ACACB: variants seen among roughly 807,000 people sequenced by gnomAD.
ACACB encodes acetyl-CoA carboxylase 2.
Under a neutral mutation model 278.8 loss-of-function variants are expected in ACACB, and 209 were observed. The observed-to-expected ratio is 0.75, with a 90% CI of 0.67 to 0.84. The LOEUF (loss-of-function observed/expected upper bound fraction) is 0.84. ACACB is among the 40% of genes least tolerant of loss of function. The probability of loss-of-function intolerance (pLI) is 0.00; values close to 1 mark genes in which losing one functional copy is unlikely to be tolerated. For missense variants in ACACB, 2,850 were observed against 3,269.0 expected (o/e 0.87, Z 3.13); for synonymous variants, 1,174 against 1,285.6 (o/e 0.91, Z 1.86).
chr12:109,219,081 TG>T (rs1244705170), intron 24 of ACACB, among the ~76,000 whole-genome samples: 1 of 152,106 alleles, frequency 6.6e-6, no homozygotes. Flanking sequence ...AACTTTTTTT[TG>T]TAAAGGGCTC....
intron 11 of ACACB, among the ~76,000 whole-genome samples, chr12:109,181,755 T>C (rs2044479115): frequency 6.6e-6 from 1 of 152,102 alleles, no homozygotes; most frequent in African/African-American, 2.4e-5. Flanking sequence ...GTTGTACTAA[T>C]TTTCAGTCCT....
At chr12:109,147,937 T>G (rs1461190662) in intron 2 of ACACB, among the ~76,000 whole-genome samples, 1 of 152,238 alleles carries the variant, frequency 6.6e-6, no homozygotes, top group Admixed American at 6.5e-5. Context: ...TCTTTCTCCT[T>G]GTATCTTGTG....
At chr12:109,264,706 G>A (rs930725009) in intron 50 of ACACB, among the ~76,000 whole-genome samples, 4 of 152,086 alleles carry the variant, frequency 2.6e-5, no homozygotes, top group Non-Finnish European at 4.4e-5. Flanking sequence ...GGTAGAAACC[G>A]TTGTTCCTGT....
Position 109,247,664 on chromosome 12 carries a change from C to T in ACACB, c.5630C>T (p.Ser1877Phe). The T allele has an allele frequency of 3.7e-6, 6 of 1,613,970 alleles. No homozygotes were observed. The highest frequency in any genetic ancestry group is 5.1e-6 in the Non-Finnish European group (6 of 1,179,978). ...QDYTRISSLN[S>F]VHCKHIEEGG... ...TACACCAGAATCAGCTCCCTGAACT[C>T]CGTCCACTGTAAACACATCGAGGAA... Residue 1877 changes from serine to phenylalanine, a missense_variant, in exon 40 of 53, where the codon TCC (serine) becomes TTC (phenylalanine). By Grantham distance (155) the Ser-to-Phe change is radical (BLOSUM62 -2). Around this residue, in one of 3 missense-constraint regions of ACACB, gnomAD observed 2,265 missense variants for 2,561.3 expected, o/e 0.88. Coordinates refer to ENST00000338432, the MANE Select transcript of ACACB (RefSeq NM_001093.4).
At chr12:109,210,449 ATATATGTATATATACGCACATACATGTG>A (rs1483471798) in intron 21 of ACACB, among the ~76,000 whole-genome samples, 12 of 100,868 alleles carry the variant, frequency 1.2e-4, no homozygotes, top group African/African-American at 3.4e-4. Flanking sequence ...ATACATGTGT[ATATATGTATATATACGCACATACATGTG>A]TATATGTGTA....
intron 27 of ACACB, among the ~76,000 whole-genome samples, chr12:109,225,126 G>A (rs751436228): frequency 6.6e-6 from 1 of 152,188 alleles, no homozygotes; most frequent in Non-Finnish European, 1.5e-5. Context: ...CTAACAGGGA[G>A]ACCTAATACA....
chr12:109,166,875 G>A lies in ACACB; in HGVS notation c.668G>A (p.Gly223Glu), dbSNP rs373292549. The stretch of plus-strand genomic sequence containing the variant: ...TTATTCTGCAGGCCGAGCATGTCGG[G>A]ACTCCACCTGGTGAAGAGGGGACGG... ...RVPTMRPSMS[G>E]LHLVKRGREH... The change falls in exon 3 of 53, where the codon GGA becomes GAA. Residue 223 changes from glycine to glutamate, a missense_variant. Physicochemically the swap from Gly to Glu is moderately conservative, Grantham distance 98. Transcript: ENST00000338432. The A allele has an allele frequency of 2.5e-6, 4 of 1,613,874 alleles. No homozygotes were observed. Among genetic ancestry groups the A allele is most frequent in the Non-Finnish European group, 3.4e-6 (4 of 1,180,016 alleles).
Position 109,167,920 on chromosome 12 carries a change from G to A in ACACB, c.811G>A (p.Ala271Thr), listed in dbSNP as rs1252965239. 9 of 1,613,776 alleles carry A rather than the reference G, an allele frequency of 5.6e-6. No individual in the cohort carries two copies. The highest frequency in any genetic ancestry group is 3.3e-5 in the Admixed American group (2 of 59,972). The change falls in exon 4 of 53, where the codon GCC (alanine) becomes ACC (threonine). Residue 271 changes from alanine to threonine, a missense_variant. By Grantham distance (58) the Ala-to-Thr change is moderately conservative. Transcript: ENST00000338432. Reference protein sequence around the residue: ...EKVLIANNGIAAVKCMRSIRR... With the variant: ...EKVLIANNGITAVKCMRSIRR... ...GGTGCTTATTGCCAACAACGGGATT[G>A]CCGCCGTGAAGTGCATGCGCTCCAT... is the stretch of plus-strand genomic sequence containing the variant.
At position 109,237,268 on chromosome 12, in the gene ACACB, A is replaced by G. The variant is rs747892426; in HGVS notation, c.4550A>G (p.Asn1517Ser). ...NFDLTAVPCANHKMHLYLGAA... is the reference protein window; with the variant it reads ...NFDLTAVPCASHKMHLYLGAA... Reference sequence around the variant, plus strand: ...GATCTGACCGCCGTGCCCTGTGCCAACCACAAGATGCACCTTTACCTGGGT... The same window carrying G: ...GATCTGACCGCCGTGCCCTGTGCCAGCCACAAGATGCACCTTTACCTGGGT... The change falls in exon 34 of 53, where the codon AAC becomes AGC. Residue 1517 changes from asparagine (N) to serine (S), a missense_variant. This residue lies in a region of ACACB where 2,265 missense variants were observed against 2,561.3 expected (regional missense o/e 0.88). Coordinates refer to ENST00000338432, the MANE Select transcript of ACACB (RefSeq NM_001093.4). 4 of 1,614,230 alleles carry G rather than the reference A, an allele frequency of 2.5e-6. No individual in the cohort carries two copies. The highest frequency in any genetic ancestry group is 2.5e-6 in the Non-Finnish European group (3 of 1,180,042).
intron 1 of ACACB, among the ~76,000 whole-genome samples, chr12:109,128,528 G>A (rs1454106688): frequency 1.3e-5 from 2 of 151,812 alleles, no homozygotes; most frequent in Non-Finnish European, 2.9e-5. Flanking sequence ...TAGTAGAGAC[G>A]GGGTTTCACT....
Position 109,179,253 on chromosome 12 carries a change from C to T in ACACB, c.1603C>T (p.Pro535Ser). Reference sequence around the variant, plus strand: ...GCATCAGAAGATCGTTGAGGAAGCACCGGCCACCATCGCCCCGCTGGCCAT... The same window carrying T: ...GCATCAGAAGATCGTTGAGGAAGCATCGGCCACCATCGCCCCGCTGGCCAT... ...RRHQKIVEEA[P>S]ATIAPLAIFE... Residue 535 changes from proline to serine, a missense_variant, in exon 10 of 53, where the codon CCG becomes TCG. Transcript: ENST00000338432. The T allele has an allele frequency of 6.2e-7, 1 of 1,613,948 alleles. No homozygotes were observed. Among genetic ancestry groups the T allele is most frequent in the Non-Finnish European group, 8.5e-7 (1 of 1,180,022 alleles).
intron 38 of ACACB, 66 bp downstream of exon 38, chr12:109,245,814 T>C: frequency 6.3e-7 from 1 of 1,581,338 alleles, no homozygotes; most frequent in Non-Finnish European, 8.6e-7. Context: ...TTGGGCCAGG[T>C]GCAGTAGCTC....
At chr12:109,171,013 AT>A (rs59371391) in intron 4 of ACACB, among the ~76,000 whole-genome samples, 1,356 of 106,496 alleles carry the variant, frequency 0.013, 13 homozygotes, top group African/African-American at 0.046. Context: ...CTTTTTTTGG[AT>A]TTTTTTTTTT....
chr12:109,256,777 G>A (rs1265052568), intron 45 of ACACB, among the ~76,000 whole-genome samples: 2 of 152,120 alleles, frequency 1.3e-5, no homozygotes, highest in African/African-American at 2.4e-5. Flanking sequence ...ATAAGTCCAG[G>A]CTCTGCATTA....
intron 37 of ACACB, among the ~76,000 whole-genome samples, chr12:109,245,417 A>C (rs1344141837): frequency 6.6e-6 from 1 of 152,162 alleles, no homozygotes; most frequent in East Asian, 1.9e-4. Flanking sequence ...TCTTTCAAAA[A>C]CTTTAAACAA....
chr12:109,199,758 A>T (rs930386868), intron 18 of ACACB, among the ~76,000 whole-genome samples: 2 of 152,220 alleles, frequency 1.3e-5, no homozygotes, highest in African/African-American at 4.8e-5. Flanking sequence ...TCACGCCTGT[A>T]ATCCCAGCAC....
intron 10 of ACACB, 187 bp downstream of exon 10, chr12:109,179,484 C>T: frequency 1.5e-6 from 1 of 645,212 alleles, no homozygotes; most frequent in Non-Finnish European, 2.7e-6. Flanking sequence ...GTGAACTCCC[C>T]AAATATTTCT....
At position 109,265,528 on chromosome 12, in the gene ACACB, G is replaced by A. The variant is rs760113943; in HGVS notation, c.7250+3G>A. The A allele has an allele frequency of 5.0e-6, 8 of 1,612,890 alleles. No individual in the cohort carries two copies. Among genetic ancestry groups the A allele is most frequent in the Middle Eastern group, 1.7e-4 (1 of 6,012 alleles). On this transcript the variant is annotated splice_donor_region_variant and intron_variant, in intron 52 of 52. Coordinates refer to ENST00000338432, the MANE Select transcript of ACACB (RefSeq NM_001093.4). ...TCTGTCCTCAAGACCATCCGAGGGT[G>A]AGTGGCCACCGCACCTGCTTCCCAG...
At chr12:109,154,668 G>T (rs1360124866) in intron 2 of ACACB, 1 of 152,350 alleles carries the variant, frequency 6.6e-6, no homozygotes, top group Non-Finnish European at 1.5e-5. Context: ...CGGGACTCTG[G>T]CGCGCAGGGT....
Sources: gnomAD v4.1 joint callset for allele counts (sites outside exome capture counted in the v4.1 genomes callset) on GRCh38, gnomAD v4.1.1 for gene constraint, gnomAD v4.1.1 regional missense constraint, MANE v1.5 for transcripts, NCBI Gene and HGNC (gene_info 2026-07-23, HGNC 2026-07-21) for gene names.